RIF1: variants seen among roughly 807,000 people sequenced by gnomAD.
The protein encoded by RIF1 is telomere-associated protein RIF1.
Under a neutral mutation model 247.1 loss-of-function variants are expected in RIF1, and 45 were observed. The ratio of observed to expected loss-of-function variants is 0.18; its 90% CI spans 0.14 to 0.23. The LOEUF is 0.23. RIF1 is among the 10% of genes least tolerant of loss of function. The pLI is 1.00. For missense variants in RIF1, 2,967 were observed against 2,862.5 expected, an observed-to-expected ratio of 1.04 and a Z score of -0.83; for synonymous variants, 1,087 against 978.8, an observed-to-expected ratio of 1.11 and a Z score of -2.06.
intron 6 of RIF1, among the ~76,000 whole-genome samples, chr2:151,417,350 C>T (rs1209835911): frequency 1.3e-5 from 2 of 152,148 alleles, no homozygotes; most frequent in Admixed American, 6.5e-5. Context: ...TTTCTGTCTT[C>T]CCTGTTTTTT....
rs1028686065 is a variant in RIF1 at position 151,481,428 on chromosome 2, T to G, written c.*6357T>G. The G allele has an allele frequency of 6.6e-6, 1 of 152,348 alleles. No homozygotes were observed. The highest frequency in any genetic ancestry group is 1.9e-4 in the East Asian group (1 of 5,188). The allele number at this position is 152,348 out of a possible 1,614,324, so 9.4% of individuals were successfully genotyped here. A position where few individuals can be genotyped will look rare whatever the true frequency, so the allele number is the denominator to read the frequency against. ...GTATTTGCCATGATGTTAAGGGACC[T>G]TGATGGTCTGTGAATTATCAGTTGC... On this transcript the variant is annotated 3_prime_UTR_variant, in exon 36 of 36. Coordinates refer to ENST00000444746, the MANE Select transcript of RIF1 (RefSeq NM_018151.5).
At position 151,464,368 on chromosome 2, in the gene RIF1, TCC is replaced by T; in HGVS notation, c.4849_4850del (p.Pro1617AspfsTer7). 6.2e-7 allele frequency: 1 copy of T among 1,608,958 alleles called. No individual in the cohort carries two copies. The highest frequency in any genetic ancestry group is 1.4e-5 in the African/African-American group (1 of 73,742). On this transcript the variant is annotated frameshift_variant, in exon 30 of 36. Coordinates refer to ENST00000444746, the MANE Select transcript of RIF1 (RefSeq NM_018151.5). LOFTEE classifies it high-confidence loss of function. Reference sequence around the variant, plus strand: ...CTGAAGAAGATGTAAGCATAAAATCTCCGATTTGCGAAAAACAAGATGAAAGT... The same window carrying T: ...CTGAAGAAGATGTAAGCATAAAATCTGATTTGCGAAAAACAAGATGAAAGT... ...TSEEDVSIKS[P>X]ICEKQDESNT...
At chr2:151,443,744 A>G in intron 18 of RIF1, 35 bp downstream of exon 18, 1 of 1,349,610 alleles carries the variant, frequency 7.4e-7, no homozygotes, top group Non-Finnish European at 9.8e-7. Flanking sequence ...TTTGGATAAT[A>G]GACCTTTTTT....
intron 9 of RIF1, chr2:151,489,938 A>T (rs773618785): frequency 6.7e-7 from 1 of 1,486,544 alleles, no homozygotes; most frequent in African/African-American, 1.4e-5. Flanking sequence ...AAAATTAAGA[A>T]TAATTTATTT....
At chr2:151,517,833 A>G in the RIF1 span, among the ~76,000 whole-genome samples, 2,355 of 152,332 alleles carry the variant, frequency 0.015, 40 homozygotes, top group African/African-American at 0.033. Flanking sequence ...TTATAATCTT[A>G]TGGGACCACT....
At chr2:151,414,995 T>G (rs1686937969) in intron 4 of RIF1, 76 bp downstream of exon 4, 2 of 892,100 alleles carry the variant, frequency 2.2e-6, no homozygotes, top group South Asian at 3.1e-5. Context: ...TTGATGCTGT[T>G]AAAAGTACTG....
intron 4 of RIF1, among the ~76,000 whole-genome samples, 156 bp from the exon 5 acceptor site, chr2:151,416,405 G>T (rs1687232365): frequency 6.6e-6 from 1 of 152,060 alleles, no homozygotes. Context: ...TTGTGTTTTT[G>T]GGAGAAGTTT....
chr2:151,429,979 T>C (rs1573941362), intron 9 of RIF1, among the ~76,000 whole-genome samples: 1 of 152,144 alleles, frequency 6.6e-6, no homozygotes, highest in Admixed American at 6.5e-5. Flanking sequence ...TCTTCCTCCT[T>C]TTAATATGTT....
the RIF1 span, chr2:151,526,995 G>A: frequency 1.5e-5 from 24 of 1,601,402 alleles, no homozygotes; most frequent in Non-Finnish European, 1.9e-5. Flanking sequence ...CAACCCTTGA[G>A]GAACTCCCGG....
At chr2:151,411,033 C>A (rs1196107056) in intron 2 of RIF1, among the ~76,000 whole-genome samples, 1 of 152,162 alleles carries the variant, frequency 6.6e-6, no homozygotes, top group Non-Finnish European at 1.5e-5. Flanking sequence ...CAGGTTGTCA[C>A]AACTTGCATG....
At chr2:151,505,106 A>G (rs1404382482) in intron 12 of RIF1, among the ~76,000 whole-genome samples, 1 of 152,218 alleles carries the variant, frequency 6.6e-6, no homozygotes, top group Non-Finnish European at 1.5e-5. Flanking sequence ...ATGTTATACT[A>G]CTTATATGTT....
the RIF1 span, chr2:151,516,465 C>T: frequency 1.2e-6 from 2 of 1,608,774 alleles, no homozygotes; most frequent in Non-Finnish European, 8.5e-7. Flanking sequence ...TTACCCCACT[C>T]TGCATCTGCT....
At chr2:151,456,442 A>T in intron 22 of RIF1, 136 bp from the exon 23 acceptor site, 1 of 533,232 alleles carries the variant, frequency 1.9e-6, no homozygotes, top group Non-Finnish European at 3.3e-6. Context: ...TTTACTTGTT[A>T]AGTCTTTGGG....
At chr2:151,469,576 C>A in intron 33 of RIF1, 135 bp from the exon 34 acceptor site, 1 of 596,480 alleles carries the variant, frequency 1.7e-6, no homozygotes, top group Non-Finnish European at 2.7e-6. Flanking sequence ...ATTACACATA[C>A]ATGTGCCTGT....
rs1319441598 is a variant in RIF1, at chr2:151,443,288, A to G, written c.1764A>G (p.Leu588=). 1 of 1,600,288 alleles carries G rather than the reference A, an allele frequency of 6.2e-7. No homozygotes were observed. Among genetic ancestry groups the G allele is most frequent in the Admixed American group, 1.7e-5 (1 of 59,566 alleles). The change falls in exon 17 of 36, where the codon TTA becomes TTG. Residue 588 remains leucine (L), a synonymous_variant. Coordinates refer to ENST00000444746, the MANE Select transcript of RIF1 (RefSeq NM_018151.5). ...NGTPALFLIQ[L]IFNNFLECGV... ...CTCCAGCTTTGTTCTTAATTCAATT[A>G]ATTTTCAACAATTTCTTGGAATGTG...
intron 13 of RIF1, among the ~76,000 whole-genome samples, chr2:151,507,483 G>T (rs1336540971): frequency 6.6e-6 from 1 of 152,138 alleles, no homozygotes; most frequent in Non-Finnish European, 1.5e-5. Flanking sequence ...TCTCCTTCCA[G>T]AAGGGTCCTC....
At chr2:151,439,067 A>G (rs1205208453) in intron 14 of RIF1, among the ~76,000 whole-genome samples, 4 of 152,216 alleles carry the variant, frequency 2.6e-5, no homozygotes, top group African/African-American at 7.2e-5. Context: ...TATGTGCATT[A>G]TATGCTGTGT....
chr2:151,413,503 G>T (rs977883313), intron 3 of RIF1, among the ~76,000 whole-genome samples: 5 of 152,174 alleles, frequency 3.3e-5, no homozygotes, highest in Non-Finnish European at 7.3e-5. Flanking sequence ...TATATGTCGT[G>T]TTCAGAGTTC....
At chr2:151,450,677 G>A (rs550646937) in intron 20 of RIF1, among the ~76,000 whole-genome samples, 27 of 151,942 alleles carry the variant, frequency 1.8e-4, no homozygotes, top group Admixed American at 4.6e-4. Flanking sequence ...TCCGCCTCCC[G>A]GGTTCAAGCA....
Sources: allele counts gnomAD v4.1 joint callset (sites outside exome capture counted in the v4.1 genomes callset), GRCh38; gene constraint gnomAD v4.1.1; transcripts MANE v1.5; gene names NCBI Gene and HGNC (gene_info 2026-07-23, HGNC 2026-07-21).